The following GPC6 variants were observed in gnomAD, a reference collection of about 807,000 sequenced individuals.
The protein encoded by GPC6 is glypican-6.
Under a neutral mutation model 55.2 loss-of-function variants are expected in GPC6, and 14 were observed. That is an observed-to-expected ratio of 0.25 (90% CI 0.17 to 0.40). The LOEUF is 0.40. Among genes scored for constraint, GPC6 ranks in the 10% least tolerant of loss-of-function variants. The pLI is 1.00. For missense variants in GPC6, 641 were observed against 708.5 expected, an observed-to-expected ratio of 0.90 and a Z score of 1.08; for synonymous variants, 278 against 259.6, an observed-to-expected ratio of 1.07 and a Z score of -0.68.
chr13:93,904,370 C>T (rs1483934817), intron 3 of GPC6, among the ~76,000 whole-genome samples: 1 of 151,944 alleles, frequency 6.6e-6, no homozygotes, highest in Non-Finnish European at 1.5e-5. Flanking sequence ...GTTACAAATC[C>T]ATCTTTAGCG....
At chr13:94,139,130 G>C (rs2138877644) in intron 4 of GPC6, among the ~76,000 whole-genome samples, 1 of 151,970 alleles carries the variant, frequency 6.6e-6, no homozygotes, top group South Asian at 2.1e-4. Context: ...ATAGACAGGA[G>C]ATAAGGCTGG....
chr13:93,360,364 T>C (rs552740841), intron 1 of GPC6, among the ~76,000 whole-genome samples: 16 of 152,232 alleles, frequency 1.1e-4, no homozygotes, highest in African/African-American at 3.6e-4. Flanking sequence ...GGCATTGGCC[T>C]CCCTGAGAGA....
rs138709752 is a variant in GPC6, at chr13:93,291,749, C to T, written c.160+64133C>T. On this transcript the variant is annotated intron_variant, in intron 1 of 8. Transcript: ENST00000377047. ...CCATCATTTTCTGGTCAAGTTAAAACGAGTCTGAGCAAACATATCCAGCAT... is the reference window on the plus strand; with the variant it reads ...CCATCATTTTCTGGTCAAGTTAAAATGAGTCTGAGCAAACATATCCAGCAT... 3.6e-3 allele frequency among the ~76,000 whole-genome samples: 555 copies of T among 152,076 alleles called. 1 individual carries two copies. Among genetic ancestry groups the T allele is most frequent in the African/African-American group, 0.012 (484 of 41,494 alleles).
At chr13:93,516,688 A>G (rs978792664) in intron 1 of GPC6, among the ~76,000 whole-genome samples, 3 of 152,298 alleles carry the variant, frequency 2.0e-5, no homozygotes, top group Admixed American at 2.0e-4. Flanking sequence ...AAAGCAAAAC[A>G]AAACCAAAAA....
intron 1 of GPC6, among the ~76,000 whole-genome samples, chr13:93,399,708 T>A (rs146150653): frequency 2.7e-3 from 407 of 152,258 alleles, no homozygotes; most frequent in African/African-American, 9.3e-3. Flanking sequence ...GTGGACTTGG[T>A]TCTTTCTGAG....
At chr13:93,860,292 A>G (rs1888768517) in intron 3 of GPC6, among the ~76,000 whole-genome samples, 2 of 151,658 alleles carry the variant, frequency 1.3e-5, no homozygotes, top group Admixed American at 6.6e-5. Context: ...AATAGGGACC[A>G]TGTATGTCCA....
At chr13:94,332,382 G>T (rs540692985) in intron 6 of GPC6, among the ~76,000 whole-genome samples, 1 of 152,276 alleles carries the variant, frequency 6.6e-6, no homozygotes, top group South Asian at 2.1e-4. Context: ...TCCAAGTAGG[G>T]GGAATAAAAG....
intron 1 of GPC6, among the ~76,000 whole-genome samples, chr13:93,467,003 T>C (rs1878928012): frequency 6.6e-6 from 1 of 152,224 alleles, no homozygotes; most frequent in Non-Finnish European, 1.5e-5. Flanking sequence ...TAAAATACTT[T>C]TCTTAATGAT....
chr13:93,886,627 G>A (rs1309241166), intron 3 of GPC6, among the ~76,000 whole-genome samples: 1 of 152,004 alleles, frequency 6.6e-6, no homozygotes, highest in African/African-American at 2.4e-5. Flanking sequence ...TATTGAAACT[G>A]ACCTGTCCTT....
intron 3 of GPC6, among the ~76,000 whole-genome samples, chr13:93,841,729 C>T (rs936180061): frequency 5.9e-5 from 9 of 152,046 alleles, no homozygotes; most frequent in African/African-American, 2.2e-4. Flanking sequence ...TCATTTTTGC[C>T]CTTGCAGGAA....
chr13:93,691,477 TG>T (rs764320632), intron 2 of GPC6, among the ~76,000 whole-genome samples: 1 of 68,802 alleles, frequency 1.5e-5, no homozygotes, highest in Non-Finnish European at 5.3e-5. Flanking sequence ...AGGCTTGCCA[TG>T]GTTTTTTTTT....
At chr13:93,979,218 C>G (rs1044882663) in intron 3 of GPC6, among the ~76,000 whole-genome samples, 9 of 151,162 alleles carry the variant, frequency 6.0e-5, no homozygotes, top group African/African-American at 1.9e-4. Flanking sequence ...TTTAATATGT[C>G]TAAGTATAAA....
chr13:93,700,148 T>C (rs1272318062), intron 2 of GPC6, among the ~76,000 whole-genome samples: 2 of 152,110 alleles, frequency 1.3e-5, no homozygotes, highest in African/African-American at 4.8e-5. Context: ...AACAAAGCTG[T>C]CCAGCAAGAC....
chr13:94,088,119 T>C (rs887095610), intron 4 of GPC6, among the ~76,000 whole-genome samples: 3 of 152,098 alleles, frequency 2.0e-5, no homozygotes, highest in African/African-American at 7.2e-5. Flanking sequence ...CGTTCAGAAA[T>C]CCAAATACCA....
intron 3 of GPC6, among the ~76,000 whole-genome samples, chr13:93,870,207 A>G (rs1050662734): frequency 6.6e-6 from 1 of 151,826 alleles, no homozygotes; most frequent in Non-Finnish European, 1.5e-5. Context: ...ATACTACCTT[A>G]TTGTTACATT....
chr13:93,848,653 T>C (rs1468406781), intron 3 of GPC6, among the ~76,000 whole-genome samples: 2 of 152,134 alleles, frequency 1.3e-5, no homozygotes, highest in South Asian at 2.1e-4. Flanking sequence ...TTAAATGTCA[T>C]ATTCCTACCC....
intron 1 of GPC6, among the ~76,000 whole-genome samples, chr13:93,477,450 G>T (rs1176248907): frequency 6.6e-6 from 1 of 152,078 alleles, no homozygotes; most frequent in African/African-American, 2.4e-5. Flanking sequence ...CCTCTGGTTT[G>T]GGCTGATAGT....
intron 1 of GPC6, among the ~76,000 whole-genome samples, chr13:93,442,088 T>C (rs1041954618): frequency 1.8e-4 from 27 of 152,036 alleles, no homozygotes; most frequent in African/African-American, 6.0e-4. Context: ...ACTTTGACTT[T>C]AGAGAAAGGA....
chr13:94,361,437 A>T (rs1358506250), intron 6 of GPC6, among the ~76,000 whole-genome samples: 1 of 152,252 alleles, frequency 6.6e-6, no homozygotes, highest in Non-Finnish European at 1.5e-5. Context: ...TCCTGAGGAC[A>T]GGGACTGTTT....
Sources: gnomAD v4.1 joint callset for allele counts (sites outside exome capture counted in the v4.1 genomes callset) on GRCh38, gnomAD v4.1.1 for gene constraint, MANE v1.5 for transcripts, NCBI Gene and HGNC (gene_info 2026-07-23, HGNC 2026-07-21) for gene names.